The following ZMIZ1 variants were observed in gnomAD, a reference collection of about 807,000 sequenced individuals.
ZMIZ1 encodes zinc finger MIZ domain-containing protein 1.
A neutral mutation model predicts 113.9 loss-of-function variants in ZMIZ1; 17 were observed. The ratio of observed to expected loss-of-function variants is 0.15; its 90% CI spans 0.10 to 0.22. The LOEUF (loss-of-function observed/expected upper bound fraction) is 0.22, where lower values mean the gene tolerates loss of function less well. ZMIZ1 is among the 10% of genes least tolerant of loss of function. The probability of loss-of-function intolerance (pLI) is 1.00; values close to 1 mark genes in which losing one functional copy is unlikely to be tolerated. For missense variants in ZMIZ1, 1,059 were observed against 1,477.8 expected, an observed-to-expected ratio of 0.72 and a Z score of 4.65; for synonymous variants, 607 against 603.1, an observed-to-expected ratio of 1.01 and a Z score of -0.09.
At chr10:79,263,501 ACT>A (rs1488684844) in intron 7 of ZMIZ1, among the ~76,000 whole-genome samples, 1 of 151,984 alleles carries the variant, frequency 6.6e-6, no homozygotes, top group East Asian at 1.9e-4. Context: ...CTCCTGAGTC[ACT>A]CTTCAGGTTT....
At chr10:79,128,343 T>C (rs929126785) in intron 2 of ZMIZ1, among the ~76,000 whole-genome samples, 7 of 152,214 alleles carry the variant, frequency 4.6e-5, no homozygotes, top group African/African-American at 1.4e-4. Flanking sequence ...TCTGCCCTCA[T>C]GCTGTTCATT....
chr10:79,207,602 ACT>A (rs1848371198), intron 5 of ZMIZ1, among the ~76,000 whole-genome samples: 2 of 151,980 alleles, frequency 1.3e-5, no homozygotes, highest in Admixed American at 1.3e-4. Flanking sequence ...ATCGACTCAG[ACT>A]CTGCCTGGCA....
At chr10:79,310,823 TTG>T (rs1855097047) in intron 23 of ZMIZ1, 99 bp from the exon 24 acceptor site, 1 of 1,367,748 alleles carries the variant, frequency 7.3e-7, no homozygotes, top group African/African-American at 1.5e-5. Context: ...GTTTCGGGGG[TTG>T]TGACTTCCCT....
rs549448531 is a variant in ZMIZ1 at position 79,263,108 on chromosome 10, C to T, written c.281-14073C>T. On this transcript the variant is annotated intron_variant, in intron 7 of 24. Coordinates refer to ENST00000334512, the MANE Select transcript of ZMIZ1 (RefSeq NM_020338.4). ...CATAGCACAGGGTCAGAAGGGAGCG[C>T]GTAAGTACCACTGCATGCGCCAGCG... 1.7e-4 allele frequency among the ~76,000 whole-genome samples: 26 copies of T among 152,336 alleles called. No homozygotes were observed. The South Asian group carries it at 5.2e-3, about 30-fold the overall frequency.
chr10:79,184,646 C>T (rs1439484513), intron 4 of ZMIZ1, among the ~76,000 whole-genome samples: 1 of 152,194 alleles, frequency 6.6e-6, no homozygotes, highest in African/African-American at 2.4e-5. Flanking sequence ...CTTTCCAGGC[C>T]AGACCTTTCA....
rs149609539 is a variant in ZMIZ1, at chr10:79,105,833, G to A, written c.-336-13082G>A. 1.4e-3 allele frequency among the ~76,000 whole-genome samples: 209 copies of A among 152,368 alleles called. 1 individual carries two copies. Among genetic ancestry groups the A allele is most frequent in the Non-Finnish European group, 2.3e-3 (158 of 68,030 alleles). ...TAAGCTAATGGCAGTTTCGATGGCA[G>A]AAGGAAATGACAAACATCAGGAAGA... On this transcript the variant is annotated intron_variant, in intron 1 of 24. Transcript: ENST00000334512.
intron 1 of ZMIZ1, among the ~76,000 whole-genome samples, chr10:79,090,967 CA>C (rs1842968628): frequency 2.6e-5 from 4 of 152,340 alleles, no homozygotes; most frequent in Admixed American, 2.6e-4. Context: ...CCGTCTGTGC[CA>C]ATAGAGGGCC....
chr10:79,112,389 G>A (rs987114888), intron 1 of ZMIZ1, among the ~76,000 whole-genome samples: 2 of 152,190 alleles, frequency 1.3e-5, no homozygotes, highest in African/African-American at 4.8e-5. Context: ...TGCAGGAGCA[G>A]GGGAATGGCT....
chr10:79,200,430 A>G (rs1848025970), intron 4 of ZMIZ1, among the ~76,000 whole-genome samples: 1 of 152,104 alleles, frequency 6.6e-6, no homozygotes, highest in Admixed American at 6.5e-5. Context: ...GAGCCGAAGG[A>G]GCTTCCTCCA....
intron 7 of ZMIZ1, among the ~76,000 whole-genome samples, chr10:79,269,907 G>T (rs7085275): frequency 6.6e-6 from 1 of 152,162 alleles, no homozygotes; most frequent in African/African-American, 2.4e-5. Flanking sequence ...CACCCGACCC[G>T]ATCGATGCTA....
In ZMIZ1 at chr10:79,165,948, C is replaced by CTGTGTGTGTGTG. The variant is rs1174980856; in HGVS notation, c.-50+3858_-50+3869dup. Among the ~76,000 whole-genome samples the CTGTGTGTGTGTG allele has an allele frequency of 5.5e-3, 331 of 59,770 alleles. 8 individuals carry two copies. Among genetic ancestry groups the CTGTGTGTGTGTG allele is most frequent in the East Asian group, 0.022 (51 of 2,362 alleles). 39.2% of individuals were successfully genotyped at this position (59,770 alleles called of 152,430 possible). A position where few individuals can be genotyped will look rare whatever the true frequency, so the allele number is the denominator to read the frequency against. On this transcript the variant is annotated intron_variant, in intron 4 of 24. Coordinates refer to ENST00000334512, the MANE Select transcript of ZMIZ1 (RefSeq NM_020338.4). ...CCTTGGCCTCCAAGCCCCAGCTCAGCTGTGTGTGTGTGTGTGTGTGTGTGT... is the reference window on the plus strand; with the variant it reads ...CCTTGGCCTCCAAGCCCCAGCTCAGCTGTGTGTGTGTGTGTGTGTGTGTGTGTGTGTGTGTGT...
chr10:79,130,458 C>T (rs992979456), intron 2 of ZMIZ1, among the ~76,000 whole-genome samples: 14 of 152,326 alleles, frequency 9.2e-5, no homozygotes, highest in African/African-American at 2.6e-4. Flanking sequence ...CAGCCAGGTG[C>T]CAAATGGATG....
intron 20 of ZMIZ1, 25 bp downstream of exon 20, chr10:79,305,256 G>T: frequency 5.0e-6 from 8 of 1,612,414 alleles, no homozygotes; most frequent in Non-Finnish European, 6.8e-6. Context: ...CCCCGGTGGG[G>T]GCTTCCCCCA....
chr10:79,206,646 TGA>T (rs1848327148), intron 5 of ZMIZ1, among the ~76,000 whole-genome samples: 1 of 152,234 alleles, frequency 6.6e-6, no homozygotes, highest in African/African-American at 2.4e-5. Context: ...GAGCCAGGGC[TGA>T]GAGCGGCCAC....
At chr10:79,196,933 G>A (rs58716618) in intron 4 of ZMIZ1, among the ~76,000 whole-genome samples, 8,089 of 152,286 alleles carry the variant, frequency 0.053, 328 homozygotes, top group East Asian at 0.19. Flanking sequence ...GGGGACACCT[G>A]GGTGCTCACT....
intron 1 of ZMIZ1, among the ~76,000 whole-genome samples, chr10:79,077,932 C>T (rs1437065076): frequency 6.6e-6 from 1 of 152,178 alleles, no homozygotes; most frequent in African/African-American, 2.4e-5. Context: ...AAGTCGATTG[C>T]CCAGGTCATG....
intron 7 of ZMIZ1, among the ~76,000 whole-genome samples, chr10:79,217,359 G>A (rs1848778415): frequency 6.6e-6 from 1 of 152,052 alleles, no homozygotes; most frequent in Non-Finnish European, 1.5e-5. Context: ...CAGGAGGCGG[G>A]GCTTGCAGTG....
intron 4 of ZMIZ1, among the ~76,000 whole-genome samples, chr10:79,188,893 A>G (rs952073412): frequency 3.3e-5 from 5 of 152,250 alleles, no homozygotes; most frequent in South Asian, 2.1e-4. Context: ...AGAGGAGGAC[A>G]GAAGATGCAG....
chr10:79,288,455 A>C (rs995936564), intron 8 of ZMIZ1, among the ~76,000 whole-genome samples: 1 of 152,200 alleles, frequency 6.6e-6, no homozygotes, highest in Non-Finnish European at 1.5e-5. Flanking sequence ...GACACAAGCC[A>C]GACAGAGGCA....
Sources: allele counts gnomAD v4.1 joint callset (sites outside exome capture counted in the v4.1 genomes callset), GRCh38; gene constraint gnomAD v4.1.1; transcripts MANE v1.5; gene names NCBI Gene and HGNC (gene_info 2026-07-23, HGNC 2026-07-21).